The following MYO10 variants were observed in gnomAD, a reference collection of about 807,000 sequenced individuals.
The protein encoded by MYO10 is unconventional myosin-X.
Under a neutral mutation model 257.3 loss-of-function variants are expected in MYO10, and 133 were observed. The observed-to-expected ratio is 0.52, with a 90% confidence interval of 0.45 to 0.60. The LOEUF (loss-of-function observed/expected upper bound fraction) is 0.60, where lower values mean the gene tolerates loss of function less well. Ranked by LOEUF, MYO10 falls within the 20% of genes least tolerant of loss-of-function variation. The probability of loss-of-function intolerance (pLI) is 0.00; values close to 1 mark genes in which losing one functional copy is unlikely to be tolerated. For missense variants in MYO10, 2,399 were observed against 2,635.7 expected, an observed-to-expected ratio of 0.91 and a Z score of 1.97; for synonymous variants, 1,104 against 1,028.6, an observed-to-expected ratio of 1.07 and a Z score of -1.40.
rs1355342953 is a variant in MYO10, at chr5:16,855,432, A to G, written c.120+22177T>C. Reference sequence around the variant, plus strand: ...CAAGTTATGACCTTTTGGTGGAGGGAAAAAAAATAAAGCGAGATACATGTT... The same window carrying G: ...CAAGTTATGACCTTTTGGTGGAGGGGAAAAAAATAAAGCGAGATACATGTT... On this transcript the variant is annotated intron_variant, in intron 2 of 40. Transcript: ENST00000513610. 3.3e-5 allele frequency among the ~76,000 whole-genome samples: 5 copies of G among 152,058 alleles called. No homozygotes were observed. In the East Asian group the frequency reaches 5.8e-4, roughly 18 times the overall value.
rs934788947 is a variant in MYO10, at chr5:16,762,970, A to G, written c.1495-333T>C. ...CAGAGTGAGACTCCGTCTCAGGGGAAAAAAAAAAAAAAAAAAAAGTTGAAT... is the reference window on the plus strand; with the variant it reads ...CAGAGTGAGACTCCGTCTCAGGGGAGAAAAAAAAAAAAAAAAAAGTTGAAT... On this transcript the variant is annotated intron_variant, in intron 14 of 40. Transcript: ENST00000513610. Among the ~76,000 whole-genome samples the G allele has an allele frequency of 1.4e-4, 9 of 63,394 alleles. No individual in the cohort carries two copies. In the East Asian group the frequency reaches 1.8e-3, roughly 13 times the overall value. The allele number at this position is 63,394 out of a possible 152,430, so 41.6% of individuals were successfully genotyped here. A position where few individuals can be genotyped will look rare whatever the true frequency, so the allele number is the denominator to read the frequency against.
chr5:16,935,839 G>A lies in MYO10; in HGVS notation c.-31C>T, dbSNP rs754956640. On this transcript the variant is annotated 5_prime_UTR_variant, in exon 1 of 41. Coordinates refer to ENST00000513610, the MANE Select transcript of MYO10 (RefSeq NM_012334.3). ...CAGCGCAGTCCCGGACTCGCCGAGTGCCGCTCCGACTCGCGGAAGTCAGCG... is the reference window on the plus strand; with the variant it reads ...CAGCGCAGTCCCGGACTCGCCGAGTACCGCTCCGACTCGCGGAAGTCAGCG... The A allele has an allele frequency of 2.7e-5, 43 of 1,611,484 alleles. No individual in the cohort carries two copies. The African/African-American group carries it at 4.0e-4, about 15-fold the overall frequency.
chr5:16,792,132 C>CACACACAGAGAGAGAGAG (rs755315207), intron 4 of MYO10, among the ~76,000 whole-genome samples: 4 of 75,288 alleles, frequency 5.3e-5, no homozygotes, highest in African/African-American at 1.4e-4. Flanking sequence ...CACACACACA[C>CACACACAGAGAGAGAGAG]AGAGAGAGAG....
At chr5:16,934,322 C>T (rs1746375135) in intron 1 of MYO10, among the ~76,000 whole-genome samples, 1 of 152,248 alleles carries the variant, frequency 6.6e-6, no homozygotes, top group Non-Finnish European at 1.5e-5. Context: ...AAACTGAATA[C>T]AAATTTCTAT....
chr5:16,753,085 A>G (rs577343895), intron 19 of MYO10, among the ~76,000 whole-genome samples: 1 of 152,320 alleles, frequency 6.6e-6, no homozygotes, highest in Admixed American at 6.5e-5. Flanking sequence ...TGAACAGGTT[A>G]TTTTCTCTTA....
At chr5:16,702,657 C>A in intron 23 of MYO10, 69 bp from the exon 24 acceptor site, 1 of 1,445,668 alleles carries the variant, frequency 6.9e-7, no homozygotes, top group Non-Finnish European at 9.5e-7. Flanking sequence ...GAGAGATCTA[C>A]GTTTTTAAAA....
intron 2 of MYO10, among the ~76,000 whole-genome samples, chr5:16,838,189 T>C (rs2126724396): frequency 1.3e-5 from 2 of 152,226 alleles, no homozygotes; most frequent in Middle Eastern, 3.4e-3. Flanking sequence ...AAGCTACAAA[T>C]GACGCAGCTG....
chr5:16,925,479 C>T (rs1481378570), intron 1 of MYO10, among the ~76,000 whole-genome samples: 3 of 152,088 alleles, frequency 2.0e-5, no homozygotes, highest in Non-Finnish European at 2.9e-5. Context: ...GGTGCAATCT[C>T]GGCTCACTGC....
chr5:16,904,809 G>T (rs574491106), intron 1 of MYO10, among the ~76,000 whole-genome samples: 1 of 152,214 alleles, frequency 6.6e-6, no homozygotes, highest in East Asian at 1.9e-4. Context: ...GGCACCTGCA[G>T]TCCCAGCTAC....
In MYO10 at chr5:16,748,621, A is replaced by AGGGAGG. The variant is rs1560963927; in HGVS notation, c.1929+6206_1929+6207insCCTCCC. 2.1e-3 allele frequency among the ~76,000 whole-genome samples: 288 copies of AGGGAGG among 135,458 alleles called. 2 individuals carry two copies. The highest frequency in any genetic ancestry group is 7.5e-3 in the African/African-American group (274 of 36,502). 88.9% of individuals were successfully genotyped at this position (135,458 alleles called of 152,430 possible). ...AAAAGAAAAAGAGGGAGAGAGGGAG[A>AGGGAGG]GAGGGAGGGAGGGAGGGAGGGAGAA... On this transcript the variant is annotated intron_variant, in intron 19 of 40. Transcript: ENST00000513610.
chr5:16,851,547 C>G (rs1743801159), intron 2 of MYO10, among the ~76,000 whole-genome samples: 1 of 152,074 alleles, frequency 6.6e-6, no homozygotes, highest in Admixed American at 6.5e-5. Context: ...ATGTAAGGCC[C>G]AGAAAGCACC....
At chr5:16,741,804 C>T (rs1434605583) in intron 19 of MYO10, 1 of 985,172 alleles carries the variant, frequency 1.0e-6, no homozygotes, top group Non-Finnish European at 1.2e-6. Context: ...AAATCCCTAC[C>T]TTGGGTTTTC....
chr5:16,683,655 C>T (rs960692039), intron 30 of MYO10, among the ~76,000 whole-genome samples: 1 of 152,126 alleles, frequency 6.6e-6, no homozygotes, highest in Admixed American at 6.5e-5. Context: ...CAGGTTCCCA[C>T]GGTTTTCCCC....
chr5:16,834,189 C>T (rs560781892), intron 2 of MYO10, among the ~76,000 whole-genome samples: 2 of 152,214 alleles, frequency 1.3e-5, no homozygotes, highest in South Asian at 2.1e-4. Flanking sequence ...CTAGTCTGAG[C>T]GGGCTGGCCT....
intron 9 of MYO10, among the ~76,000 whole-genome samples, chr5:16,774,391 T>C (rs1741151217): frequency 6.6e-6 from 1 of 152,178 alleles, no homozygotes; most frequent in African/African-American, 2.4e-5. Context: ...TCAGTAATAA[T>C]TTATTACATC....
intron 26 of MYO10, among the ~76,000 whole-genome samples, chr5:16,697,306 G>GA (rs1261897764): frequency 3.3e-5 from 5 of 150,848 alleles, no homozygotes; most frequent in Non-Finnish European, 5.9e-5. Flanking sequence ...GAAGAAAACA[G>GA]AAAAAAAATA....
At chr5:16,737,890 A>T (rs1332843245) in intron 19 of MYO10, among the ~76,000 whole-genome samples, 1 of 152,222 alleles carries the variant, frequency 6.6e-6, no homozygotes, top group Non-Finnish European at 1.5e-5. Flanking sequence ...ACTTATCCTG[A>T]TACATAGGAA....
At chr5:16,816,494 G>T (rs1197126319) in intron 3 of MYO10, among the ~76,000 whole-genome samples, 1 of 151,332 alleles carries the variant, frequency 6.6e-6, no homozygotes, top group Non-Finnish European at 1.5e-5. Flanking sequence ...AGCATGCCTT[G>T]AGTTTCAATT....
chr5:16,918,002 T>C (rs1238167861), intron 1 of MYO10, among the ~76,000 whole-genome samples: 1 of 152,232 alleles, frequency 6.6e-6, no homozygotes, highest in Non-Finnish European at 1.5e-5. Context: ...ACAGAATACG[T>C]ATTCCATAGG....
Sources: gnomAD v4.1 joint callset for allele counts (sites outside exome capture counted in the v4.1 genomes callset) on GRCh38, gnomAD v4.1.1 for gene constraint, MANE v1.5 for transcripts, NCBI Gene and HGNC (gene_info 2026-07-23, HGNC 2026-07-21) for gene names.